Variants in FREM2 observed in about 807,000 individuals in gnomAD.
The protein encoded by FREM2 is FRAS1-related extracellular matrix protein 2.
Under a neutral mutation model 219.9 loss-of-function variants are expected in FREM2, and 119 were observed. That is an observed-to-expected ratio of 0.54 (90% confidence interval 0.47 to 0.63). The LOEUF (loss-of-function observed/expected upper bound fraction) is 0.63. Ranked by LOEUF, FREM2 falls within the 30% of genes least tolerant of loss-of-function variation. The pLI is 0.00. For synonymous variants in FREM2, 1,562 were observed against 1,522.8 expected, an observed-to-expected ratio of 1.03 and a Z score of -0.60; for missense variants, 4,030 against 3,993.6, an observed-to-expected ratio of 1.01 and a Z score of -0.25.
intron 2 of FREM2, among the ~76,000 whole-genome samples, chr13:38,707,920 C>G (rs1425972756): frequency 6.6e-6 from 1 of 152,152 alleles, no homozygotes; most frequent in Admixed American, 6.5e-5. Flanking sequence ...CCACCTAAAC[C>G]TCAGGGTCAT....
intron 11 of FREM2, among the ~76,000 whole-genome samples, chr13:38,852,140 C>T (rs778640449): frequency 8.5e-5 from 13 of 152,152 alleles, no homozygotes; most frequent in Non-Finnish European, 1.6e-4. Context: ...TGCCACTCCC[C>T]CACCCTCCCA....
In FREM2 at chr13:38,698,896, T is replaced by G. The variant is rs574527491; in HGVS notation, c.5263+1109T>G. On this transcript the variant is annotated intron_variant, in intron 2 of 23. Transcript: ENST00000280481. ...TGTTATGTTGGGTTCAACTGTTTGA[T>G]TCCTACTATGAATCAGAGAGTCAAT... 2.3e-4 allele frequency among the ~76,000 whole-genome samples: 35 copies of G among 152,328 alleles called. No homozygotes were observed. The South Asian group carries it at 7.2e-3, about 32-fold the overall frequency.
chr13:38,844,938 T>A (rs1877095312), intron 6 of FREM2, among the ~76,000 whole-genome samples: 1 of 152,234 alleles, frequency 6.6e-6, no homozygotes, highest in Admixed American at 6.5e-5. Context: ...ATGTATTGGC[T>A]TGTAATTGAG....
chr13:38,878,755 A>C, intron 22 of FREM2, 76 bp from the exon 23 acceptor site: 1 of 1,402,192 alleles, frequency 7.1e-7, no homozygotes, highest in Non-Finnish European at 1.0e-6. Context: ...TGCACAAAAC[A>C]AATAGAGAAA....
intron 6 of FREM2, among the ~76,000 whole-genome samples, chr13:38,840,622 TAA>T (rs1447780317): frequency 2.4e-5 from 2 of 84,848 alleles, no homozygotes; most frequent in African/African-American, 1.2e-4. Flanking sequence ...GGGATAAAAC[TAA>T]AATATATATA....
rs1877876756 is a variant in FREM2, at chr13:38,864,329, G to A, written c.7706G>A (p.Ser2569Asn). 1 of 1,614,178 alleles carries A rather than the reference G, an allele frequency of 6.2e-7. No individual in the cohort carries two copies. The highest frequency in any genetic ancestry group is 1.1e-5 in the South Asian group (1 of 91,084). ...RELSNFELTLSPDGTRVGNHK... is the reference protein window; with the variant it reads ...RELSNFELTLNPDGTRVGNHK... ...CTTTCCAACTTTGAGCTCACCCTCA[G>A]CCCTGATGGCACAAGAGTTGGAAAC... Residue 2569 changes from serine (S) to asparagine (N), a missense_variant, in exon 16 of 24, where the codon AGC becomes AAC. By Grantham distance (46) the Ser-to-Asn change is conservative (BLOSUM62 1). Coordinates refer to ENST00000280481, the MANE Select transcript of FREM2 (RefSeq NM_207361.6).
At chr13:38,766,027 A>G (rs932880364) in intron 3 of FREM2, among the ~76,000 whole-genome samples, 5 of 152,204 alleles carry the variant, frequency 3.3e-5, no homozygotes, top group Admixed American at 2.6e-4. Context: ...CAAATAAATC[A>G]TGGGGAAAAT....
chr13:38,717,481 A>G (rs1374436468), intron 2 of FREM2, among the ~76,000 whole-genome samples: 1 of 141,032 alleles, frequency 7.1e-6, no homozygotes, highest in Non-Finnish European at 1.5e-5. Flanking sequence ...CAGTGGCACA[A>G]ACTCGGCTCA....
intron 5 of FREM2, among the ~76,000 whole-genome samples, chr13:38,783,473 TAAAAAAAA>T (rs141521145): frequency 8.1e-6 from 1 of 124,062 alleles, no homozygotes; most frequent in Non-Finnish European, 1.7e-5. Flanking sequence ...GGTTACTATA[TAAAAAAAA>T]AAAAAAAAAA....
chr13:38,876,562 C>A (rs1322912482), intron 20 of FREM2, among the ~76,000 whole-genome samples, 180 bp downstream of exon 20: 4 of 152,100 alleles, frequency 2.6e-5, no homozygotes, highest in African/African-American at 9.7e-5. Context: ...TGCCCTTTAT[C>A]TGTTGTTAGT....
intron 2 of FREM2, among the ~76,000 whole-genome samples, chr13:38,718,273 G>A (rs1056983829): frequency 1.3e-5 from 2 of 152,132 alleles, no homozygotes. Flanking sequence ...ATGTTTAAGA[G>A]ATGAGCTACT....
intron 18 of FREM2, 31 bp from the exon 19 acceptor site, chr13:38,875,991 A>G: frequency 6.3e-7 from 1 of 1,587,886 alleles, no homozygotes; most frequent in Non-Finnish European, 8.6e-7. Context: ...GAACCACTAT[A>G]TCATTATTAT....
intron 6 of FREM2, among the ~76,000 whole-genome samples, chr13:38,787,746 GT>G (rs1471854861): frequency 6.7e-6 from 1 of 149,110 alleles, no homozygotes; most frequent in Admixed American, 6.7e-5. Flanking sequence ...ATTTATTAAT[GT>G]TATTATTTAT....
intron 6 of FREM2, among the ~76,000 whole-genome samples, chr13:38,815,058 C>A (rs1875711186): frequency 6.6e-6 from 1 of 152,128 alleles, no homozygotes; most frequent in Admixed American, 6.6e-5. Flanking sequence ...GTTGTTCTAC[C>A]CCATTGTGGC....
At chr13:38,841,141 T>C (rs1876946797) in intron 6 of FREM2, among the ~76,000 whole-genome samples, 1 of 152,224 alleles carries the variant, frequency 6.6e-6, no homozygotes, top group Non-Finnish European at 1.5e-5. Flanking sequence ...ATTAATATAG[T>C]ACACACCTCA....
At chr13:38,873,409 ATATT>A (rs1290526333) in intron 17 of FREM2, among the ~76,000 whole-genome samples, 1 of 152,208 alleles carries the variant, frequency 6.6e-6, no homozygotes, top group African/African-American at 2.4e-5. Context: ...GATCTCAAGC[ATATT>A]GCTTAACCTT....
In FREM2 at chr13:38,876,370, C is replaced by G; in HGVS notation, c.8532C>G (p.Ile2844Met). 6.2e-7 allele frequency: 1 copy of G among 1,613,670 alleles called. No individual in the cohort carries two copies. ...AACCTGTCACCTTTGACCTTGACAT[C>G]CGATTCCAACAGGTGTGGCTTATAG... ...PREPVTFDLDIRFQQVSDPVA... is the reference protein window; with the variant it reads ...PREPVTFDLDMRFQQVSDPVA... The change falls in exon 20 of 24, where the codon ATC (isoleucine) becomes ATG (methionine). Residue 2844 changes from isoleucine to methionine, a missense_variant. Around this residue, in one of 2 missense-constraint regions of FREM2, gnomAD observed 928 missense variants for 1,042.9 expected, o/e 0.89. Transcript: ENST00000280481.
At chr13:38,762,815 G>T (rs1873282961) in intron 2 of FREM2, among the ~76,000 whole-genome samples, 1 of 152,114 alleles carries the variant, frequency 6.6e-6, no homozygotes, top group Non-Finnish European at 1.5e-5. Context: ...ACACCAAGCA[G>T]CTTCTCCTGT....
chr13:38,707,200 G>T (rs556879350), intron 2 of FREM2, among the ~76,000 whole-genome samples: 2 of 152,234 alleles, frequency 1.3e-5, no homozygotes, highest in South Asian at 4.1e-4. Flanking sequence ...CCTTCAGATG[G>T]TTTACACTTA....
Sources: allele counts gnomAD v4.1 joint callset (sites outside exome capture counted in the v4.1 genomes callset), GRCh38; gene constraint gnomAD v4.1.1; regional missense constraint gnomAD v4.1.1; transcripts MANE v1.5; gene names NCBI Gene and HGNC (gene_info 2026-07-23, HGNC 2026-07-21).